MAST4: variants seen among roughly 807,000 people sequenced by gnomAD.
The protein encoded by MAST4 is microtubule-associated serine/threonine-protein kinase 4.
Under a neutral mutation model 162.7 loss-of-function variants are expected in MAST4, and 89 were observed. The observed-to-expected ratio is 0.55, with a 90% CI of 0.46 to 0.65. The LOEUF is 0.65. Ranked by LOEUF, MAST4 falls within the 30% of genes least tolerant of loss-of-function variation. The probability of loss-of-function intolerance (pLI) is 0.00; values close to 1 mark genes in which losing one functional copy is unlikely to be tolerated. For synonymous variants in MAST4, 1,479 were observed against 1,361.1 expected (o/e 1.09, Z -1.91); for missense variants, 3,153 against 3,374.0 (o/e 0.93, Z 1.62).
In MAST4 at chr5:67,163,274, C is replaced by T. The variant is rs1254555721; in HGVS notation, c.4095C>T (p.Ser1365=). 4 of 1,613,250 alleles carry T rather than the reference C, an allele frequency of 2.5e-6. No homozygotes were observed. Among genetic ancestry groups the T allele is most frequent in the Non-Finnish European group, 2.5e-6 (3 of 1,179,884 alleles). Residue 1365 remains serine, a synonymous_variant, in exon 29 of 29, where the codon TCC becomes TCT. Transcript: ENST00000403625. This position sits in a 1 kb window ranked among gnomAD's most constrained non-coding sequence, Gnocchi z 7.0. Reference sequence around the variant, plus strand: ...AACTCGGCGGGCAGCGGTACCGGTCCGGAAGGCGAAAGTCCGCCGGCAACA... The same window carrying T: ...AACTCGGCGGGCAGCGGTACCGGTCTGGAAGGCGAAAGTCCGCCGGCAACA... ...APKLGGQRYR[S]GRRKSAGNIP...
chr5:66,843,645 A>G (rs1758586484), intron 3 of MAST4, among the ~76,000 whole-genome samples: 1 of 152,166 alleles, frequency 6.6e-6, no homozygotes, highest in Non-Finnish European at 1.5e-5. Flanking sequence ...TTATGTCCCC[A>G]TAGAGTGTTG....
chr5:66,699,424 C>G (rs1749621761), intron 1 of MAST4, among the ~76,000 whole-genome samples: 1 of 152,170 alleles, frequency 6.6e-6, no homozygotes, highest in Non-Finnish European at 1.5e-5. Flanking sequence ...TGTTGATGTT[C>G]ATCCATCTCA....
chr5:67,050,651 T>C (rs2150539759), intron 4 of MAST4, among the ~76,000 whole-genome samples: 1 of 152,346 alleles, frequency 6.6e-6, no homozygotes, highest in South Asian at 2.1e-4. Flanking sequence ...TCAGCTCCTG[T>C]CCTAATCCAT....
chr5:67,117,467 C>T (rs1767053672), intron 12 of MAST4, among the ~76,000 whole-genome samples: 1 of 151,974 alleles, frequency 6.6e-6, no homozygotes, highest in African/African-American at 2.4e-5. Context: ...GGGATTATCA[C>T]ATTTATAAGA....
chr5:66,768,326 C>T (rs758735883), intron 2 of MAST4, among the ~76,000 whole-genome samples: 1 of 152,074 alleles, frequency 6.6e-6, no homozygotes, highest in Non-Finnish European at 1.5e-5. Context: ...GTATCCAAAG[C>T]AAATGTGAAA....
At chr5:66,836,074 C>T (rs552190856) in intron 3 of MAST4, among the ~76,000 whole-genome samples, 2 of 151,892 alleles carry the variant, frequency 1.3e-5, no homozygotes, top group South Asian at 2.1e-4. Flanking sequence ...GGGAGACTGA[C>T]GCCAGAGGAT....
At chr5:66,707,966 G>A (rs1199448250) in intron 1 of MAST4, among the ~76,000 whole-genome samples, 1 of 152,178 alleles carries the variant, frequency 6.6e-6, no homozygotes, top group Admixed American at 6.5e-5. Flanking sequence ...GACAGTAACA[G>A]CTACCGTTTG....
Position 66,693,699 on chromosome 5 carries a change from T to C in MAST4, c.364-66010T>C, listed in dbSNP as rs78783648. ...GATGCTATCAAATGTCTTAAGATTA[T>C]TAAACAAAGAGCTAGACGCTATCAA... On this transcript the variant is annotated intron_variant, in intron 1 of 28. Coordinates refer to ENST00000403625, the MANE Select transcript of MAST4 (RefSeq NM_001164664.2). Among the ~76,000 whole-genome samples the C allele has an allele frequency of 4.1e-5, 4 of 98,024 alleles. No homozygotes were observed. In the East Asian group the frequency reaches 1.2e-3, roughly 29 times the overall value. 64.3% of individuals were successfully genotyped at this position (98,024 alleles called of 152,430 possible).
At position 66,641,412 on chromosome 5, in the gene MAST4, C is replaced by A. The variant is rs530921628; in HGVS notation, c.363+44394C>A. Among the ~76,000 whole-genome samples, 4 of 152,314 alleles carry A rather than the reference C, an allele frequency of 2.6e-5. No homozygotes were observed. The East Asian group carries it at 7.7e-4, about 29-fold the overall frequency. ...CCTCAAATGATCTGCCTGCCTCAGC[C>A]TCCCAAAGTGCTGGGATTACAGGCG... On this transcript the variant is annotated intron_variant, in intron 1 of 28. Coordinates refer to ENST00000403625, the MANE Select transcript of MAST4 (RefSeq NM_001164664.2).
intron 5 of MAST4, among the ~76,000 whole-genome samples, 182 bp from the exon 6 acceptor site, chr5:67,089,980 C>A (rs1388690400): frequency 6.6e-6 from 1 of 152,080 alleles, no homozygotes; most frequent in African/African-American, 2.4e-5. Flanking sequence ...TCATGCTCCC[C>A]CATCCCCATC....
At chr5:66,628,231 C>T (rs935868852) in intron 1 of MAST4, among the ~76,000 whole-genome samples, 1 of 151,768 alleles carries the variant, frequency 6.6e-6, no homozygotes, top group East Asian at 1.9e-4. Context: ...GTGGGATTTC[C>T]GTATGTTGCC....
At position 67,053,474 on chromosome 5, in the gene MAST4, T is replaced by G. The variant is rs185240433; in HGVS notation, c.675-930T>G. Among the ~76,000 whole-genome samples the G allele has an allele frequency of 3.3e-3, 496 of 152,264 alleles. 1 individual carries two copies. Among genetic ancestry groups the G allele is most frequent in the African/African-American group, 0.012 (478 of 41,552 alleles). On this transcript the variant is annotated intron_variant, in intron 4 of 28. Transcript: ENST00000403625. ...GGATAGAAGCACAGAGCCCTGAGCC[T>G]TGTTATAGGTGAATTAAATGAGGTA...
rs115513419 is a variant in MAST4, at chr5:67,012,064, A to G, written c.675-42340A>G. ...CACTCAAGGCAGTGGTGGGAGTAGT[A>G]TATTGATAAGTGCACAGTGATGGGT... On this transcript the variant is annotated intron_variant, in intron 4 of 28. Transcript: ENST00000403625. Among the ~76,000 whole-genome samples the G allele has an allele frequency of 3.9e-4, 60 of 152,296 alleles. 1 individual carries two copies. The South Asian group carries it at 0.012, about 30-fold the overall frequency.
At chr5:66,999,363 T>C (rs1412127220) in intron 4 of MAST4, among the ~76,000 whole-genome samples, 1 of 152,246 alleles carries the variant, frequency 6.6e-6, no homozygotes, top group African/African-American at 2.4e-5. Context: ...GTGCCATATA[T>C]GTATTCTACT....
intron 14 of MAST4, among the ~76,000 whole-genome samples, chr5:67,123,695 A>C (rs1361399169): frequency 6.6e-6 from 1 of 152,236 alleles, no homozygotes; most frequent in African/African-American, 2.4e-5. Flanking sequence ...AGGATCTTTA[A>C]GTCATAACTT....
intron 9 of MAST4, 51 bp from the exon 10 acceptor site, chr5:67,104,315 C>T: frequency 7.4e-7 from 1 of 1,348,354 alleles, no homozygotes; most frequent in Non-Finnish European, 1.1e-6. Flanking sequence ...GAATTGTTTA[C>T]ATGTGTGTTT....
intron 2 of MAST4, among the ~76,000 whole-genome samples, chr5:66,768,350 A>G (rs1231477966): frequency 6.6e-6 from 1 of 152,178 alleles, no homozygotes; most frequent in Admixed American, 6.5e-5. Context: ...TTGACCTTTT[A>G]TAGGAGGAGG....
At chr5:67,160,387 C>G in intron 26 of MAST4, 69 bp from the exon 27 acceptor site, 1 of 1,407,162 alleles carries the variant, frequency 7.1e-7, no homozygotes, top group Non-Finnish European at 9.5e-7. Context: ...GTCTATGAAT[C>G]TCTCATCTCT....
chr5:66,649,808 T>C (rs1746097530), intron 1 of MAST4, among the ~76,000 whole-genome samples: 1 of 152,188 alleles, frequency 6.6e-6, no homozygotes, highest in Non-Finnish European at 1.5e-5. Context: ...GTGTCTGCTA[T>C]AATCCCAGCA....
Sources: gnomAD v4.1 joint callset for allele counts (sites outside exome capture counted in the v4.1 genomes callset) on GRCh38, gnomAD v4.1.1 for gene constraint, Gnocchi (gnomAD v3.1) non-coding constraint, MANE v1.5 for transcripts, NCBI Gene and HGNC (gene_info 2026-07-23, HGNC 2026-07-21) for gene names.